RNFT2: variants seen among roughly 807,000 people sequenced by gnomAD.
RNFT2 encodes the protein ring finger protein, transmembrane 2.
Under a neutral mutation model 53.0 loss-of-function variants are expected in RNFT2, and 36 were observed. The observed-to-expected ratio is 0.68, with a 90% confidence interval of 0.52 to 0.90. The LOEUF is 0.90. RNFT2 is among the 40% of genes least tolerant of loss of function. RNFT2 has a pLI of 0.00. For missense variants in RNFT2, 514 were observed against 585.6 expected (o/e 0.88, Z 1.26); for synonymous variants, 260 against 253.2 (o/e 1.03, Z -0.26).
At chr12:116,771,022 T>C (rs1231197020) in intron 6 of RNFT2, among the ~76,000 whole-genome samples, 1 of 152,184 alleles carries the variant, frequency 6.6e-6, no homozygotes, top group Non-Finnish European at 1.5e-5. Flanking sequence ...GTATCATTTA[T>C]GAGTTCATCT....
chr12:116,789,764 GTGGATGGA>G (rs1280545047), intron 7 of RNFT2, among the ~76,000 whole-genome samples: 1 of 146,638 alleles, frequency 6.8e-6, no homozygotes, highest in African/African-American at 2.5e-5. Context: ...TGGGAGGAGA[GTGGATGGA>G]TGGATGGGTA....
intron 7 of RNFT2, among the ~76,000 whole-genome samples, chr12:116,801,908 G>A (rs571448982): frequency 6.6e-4 from 100 of 151,998 alleles, no homozygotes; most frequent in African/African-American, 2.2e-3. Context: ...TGCCACCTCC[G>A]CCTCCCAGGT....
intron 7 of RNFT2, among the ~76,000 whole-genome samples, chr12:116,780,074 A>G (rs1171119722): frequency 6.6e-6 from 1 of 152,188 alleles, no homozygotes; most frequent in Non-Finnish European, 1.5e-5. Context: ...TCAAGTTCAG[A>G]AAGCTGAGAC....
At chr12:116,846,983 A>G (rs12578408) in intron 10 of RNFT2, among the ~76,000 whole-genome samples, 3,973 of 147,508 alleles carry the variant, frequency 0.027, 152 homozygotes, top group East Asian at 0.13. Context: ...ATCTTGGCTC[A>G]CTGCAACCTC....
chr12:116,824,360 A>G (rs1435566766), intron 7 of RNFT2, among the ~76,000 whole-genome samples: 1 of 152,200 alleles, frequency 6.6e-6, no homozygotes, highest in Non-Finnish European at 1.5e-5. Context: ...TGAGTCCCAA[A>G]CGCTTTCTAT....
intron 5 of RNFT2, among the ~76,000 whole-genome samples, chr12:116,762,977 G>T (rs184124432): frequency 4.8e-4 from 73 of 152,258 alleles, no homozygotes; most frequent in Middle Eastern, 3.4e-3. Context: ...AGCTACTCAG[G>T]AGGCTGAAGC....
intron 7 of RNFT2, among the ~76,000 whole-genome samples, chr12:116,809,231 G>A (rs74450036): frequency 0.02 from 3,109 of 152,170 alleles, 115 homozygotes; most frequent in African/African-American, 0.071. Context: ...TCATCACCTG[G>A]GAGCAGAGTC....
chr12:116,776,985 T>C (rs1406690596), intron 6 of RNFT2, among the ~76,000 whole-genome samples: 2 of 149,314 alleles, frequency 1.3e-5, no homozygotes, highest in East Asian at 3.9e-4. Flanking sequence ...TGGCACGATC[T>C]CGGCTCACTG....
chr12:116,834,188 G>A (rs1290295430), intron 8 of RNFT2, among the ~76,000 whole-genome samples: 4 of 151,848 alleles, frequency 2.6e-5, no homozygotes, highest in African/African-American at 7.3e-5. Context: ...GCGCAGTCTC[G>A]GCTCACTGCA....
At chr12:116,806,982 A>G (rs1729483280) in intron 7 of RNFT2, among the ~76,000 whole-genome samples, 1 of 152,034 alleles carries the variant, frequency 6.6e-6, no homozygotes. Context: ...CTCCCTTTTT[A>G]CATGGCTTCC....
intron 6 of RNFT2, among the ~76,000 whole-genome samples, chr12:116,771,181 C>G (rs982313953): frequency 1.3e-5 from 2 of 152,106 alleles, no homozygotes; most frequent in East Asian, 3.9e-4. Flanking sequence ...TGTGGATAGT[C>G]CAGGTGCGTT....
intron 7 of RNFT2, chr12:116,782,072 C>A (rs1428627945): frequency 1.1e-3 from 2 of 1,744 alleles, no homozygotes; most frequent in Non-Finnish European, 4.0e-3. Context: ...GAGCGAGACT[C>A]CGTCTCCAAA....
chr12:116,755,154 G>T (rs890006502), intron 5 of RNFT2, among the ~76,000 whole-genome samples: 6 of 152,152 alleles, frequency 3.9e-5, no homozygotes, highest in African/African-American at 1.4e-4. Flanking sequence ...ATCTTGAATT[G>T]ATTTTTGTAT....
At chr12:116,843,550 G>T (rs1482378643) in intron 10 of RNFT2, among the ~76,000 whole-genome samples, 1 of 149,430 alleles carries the variant, frequency 6.7e-6, no homozygotes, top group African/African-American at 2.5e-5. Flanking sequence ...AACAATCCAG[G>T]GCCACCTGCC....
At chr12:116,832,148 A>ATATATATATATAT (rs56674314) in intron 7 of RNFT2, among the ~76,000 whole-genome samples, 21 of 55,172 alleles carry the variant, frequency 3.8e-4, no homozygotes, top group Middle Eastern at 8.6e-3. Context: ...AAAAAAAAAA[A>ATATATATATATAT]ATATATATAT....
intron 7 of RNFT2, among the ~76,000 whole-genome samples, chr12:116,797,052 C>T (rs1159206500): frequency 1.3e-5 from 2 of 152,200 alleles, no homozygotes; most frequent in African/African-American, 2.4e-5. Context: ...CAGCCCTCTA[C>T]TGCAACCCAG....
In RNFT2 at chr12:116,853,482, C is replaced by T. The variant is rs1878022560; in HGVS notation, c.*4034C>T. 6.2e-6 allele frequency: 2 copies of T among 321,482 alleles called. No homozygotes were observed. Among genetic ancestry groups the T allele is most frequent in the Middle Eastern group, 8.1e-4 (1 of 1,232 alleles). 19.9% of individuals were successfully genotyped at this position (321,482 alleles called of 1,614,324 possible). ...GCAGAGTGTTAGGAAGACATCCGGG[C>T]TGCTGAGACTCGGGATTAGAAGAAA... On this transcript the variant is annotated 3_prime_UTR_variant, in exon 11 of 11. Coordinates refer to ENST00000257575, the MANE Select transcript of RNFT2 (RefSeq NM_001382266.1).
chr12:116,836,078 A>G, intron 9 of RNFT2, 53 bp downstream of exon 9: 2 of 1,608,616 alleles, frequency 1.2e-6, no homozygotes, highest in Non-Finnish European at 1.7e-6. Flanking sequence ...AGGAACTGGA[A>G]ACAGCAGCGA....
At chr12:116,840,922 C>CTG (rs34358849) in intron 10 of RNFT2, among the ~76,000 whole-genome samples, 112,704 of 149,042 alleles carry the variant, frequency 0.76, 45,214 homozygotes, top group Non-Finnish European at 0.9. Flanking sequence ...GGGTATGTGT[C>CTG]TGTGTGTGTG....
Sources: gnomAD v4.1 joint callset for allele counts (sites outside exome capture counted in the v4.1 genomes callset) on GRCh38, gnomAD v4.1.1 for gene constraint, MANE v1.5 for transcripts, NCBI Gene and HGNC (gene_info 2026-07-23, HGNC 2026-07-21) for gene names.